Variants in SLC17A8 observed in about 807,000 individuals in gnomAD.
SLC17A8 encodes vesicular glutamate transporter 3.
A neutral mutation model predicts 58.0 loss-of-function variants in SLC17A8; 31 were observed. That is an observed-to-expected ratio of 0.53 (90% CI 0.40 to 0.72). The LOEUF is 0.72. Ranked by LOEUF, SLC17A8 falls within the 30% of genes least tolerant of loss-of-function variation. SLC17A8 has a pLI of 0.00. For synonymous variants in SLC17A8, 228 were observed against 249.0 expected, an observed-to-expected ratio of 0.92 and a Z score of 0.79; for missense variants, 655 against 727.8, an observed-to-expected ratio of 0.90 and a Z score of 1.15.
chr12:100,415,598 A>G (rs925809913), intron 10 of SLC17A8, among the ~76,000 whole-genome samples: 1 of 151,762 alleles, frequency 6.6e-6, no homozygotes, highest in African/African-American at 2.4e-5. Flanking sequence ...ACTTCCAGAT[A>G]TATATATATT....
intron 2 of SLC17A8, among the ~76,000 whole-genome samples, chr12:100,383,032 G>A (rs982533111): frequency 1.3e-5 from 2 of 152,134 alleles, no homozygotes; most frequent in Non-Finnish European, 2.9e-5. Context: ...AGAGGTAGAA[G>A]GGCATATCAT....
At chr12:100,397,020 C>T (rs1952758787) in intron 5 of SLC17A8, among the ~76,000 whole-genome samples, 1 of 152,082 alleles carries the variant, frequency 6.6e-6, no homozygotes, top group Non-Finnish European at 1.5e-5. Flanking sequence ...TTCCCAAAGC[C>T]CCCTACCAAC....
At chr12:100,362,969 G>T (rs992910027) in intron 1 of SLC17A8, among the ~76,000 whole-genome samples, 8 of 152,184 alleles carry the variant, frequency 5.3e-5, no homozygotes, top group Non-Finnish European at 1.0e-4. Context: ...GCAGTATCAG[G>T]AGATGTCCCA....
intron 9 of SLC17A8, among the ~76,000 whole-genome samples, chr12:100,404,886 G>C (rs1451619303): frequency 6.6e-6 from 1 of 152,224 alleles, no homozygotes; most frequent in African/African-American, 2.4e-5. Context: ...GTATCAGGTA[G>C]GCCGGAGCCT....
chr12:100,386,427 T>C (rs773815335), intron 2 of SLC17A8, among the ~76,000 whole-genome samples: 1 of 152,176 alleles, frequency 6.6e-6, no homozygotes, highest in Non-Finnish European at 1.5e-5. Context: ...TCATTTTGCT[T>C]GACTGAAACT....
chr12:100,396,441 A>T, intron 5 of SLC17A8, 24 bp downstream of exon 5: 1 of 1,596,922 alleles, frequency 6.3e-7, no homozygotes, highest in Non-Finnish European at 8.6e-7. Flanking sequence ...AATCGTAACA[A>T]ATTTTATTTA....
intron 1 of SLC17A8, among the ~76,000 whole-genome samples, chr12:100,367,851 C>G (rs760509319): frequency 2.0e-5 from 3 of 152,178 alleles, no homozygotes; most frequent in Non-Finnish European, 4.4e-5. Flanking sequence ...CTGTGCCCAG[C>G]TTTCAAGTTA....
chr12:100,391,020 A>T lies in SLC17A8; in HGVS notation c.374A>T (p.Asp125Val). ...PEIQTAQFNW[D>V]PETVGLIHGS... ...TTCCAGACAGCACAGTTTAACTGGG[A>T]TCCAGAAACAGTGGGCCTTATCCAT... The change falls in exon 3 of 12, where the codon GAT (aspartate) becomes GTT (valine). Residue 125 changes from aspartate to valine, a missense_variant. Coordinates refer to ENST00000323346, the MANE Select transcript of SLC17A8 (RefSeq NM_139319.3). 1 of 1,612,102 alleles carries T rather than the reference A, an allele frequency of 6.2e-7. No homozygotes were observed. The highest frequency in any genetic ancestry group is 8.5e-7 in the Non-Finnish European group (1 of 1,178,154).
At chr12:100,393,147 T>A (rs1952728377) in intron 3 of SLC17A8, among the ~76,000 whole-genome samples, 1 of 152,204 alleles carries the variant, frequency 6.6e-6, no homozygotes, top group African/African-American at 2.4e-5. Flanking sequence ...GTATTTTTAG[T>A]AGAGATGGGG....
chr12:100,418,980 C>T (rs906341278), intron 11 of SLC17A8, among the ~76,000 whole-genome samples: 1 of 152,294 alleles, frequency 6.6e-6, no homozygotes, highest in South Asian at 2.1e-4. Flanking sequence ...TCCAAGATAT[C>T]TTCCCCCAAC....
At chr12:100,360,634 A>T (rs1379297977) in intron 1 of SLC17A8, among the ~76,000 whole-genome samples, 1 of 152,196 alleles carries the variant, frequency 6.6e-6, no homozygotes, top group East Asian at 1.9e-4. Context: ...AGGCACAGAG[A>T]GGTTAAGTAG....
Position 100,400,036 on chromosome 12 carries a change from T to C in SLC17A8, c.677-1741T>C, listed in dbSNP as rs571953283. 3.3e-5 allele frequency among the ~76,000 whole-genome samples: 5 copies of C among 152,190 alleles called. No homozygotes were observed. In the East Asian group the frequency reaches 9.7e-4, roughly 29 times the overall value. On this transcript the variant is annotated intron_variant, in intron 5 of 11. Coordinates refer to ENST00000323346, the MANE Select transcript of SLC17A8 (RefSeq NM_139319.3). ...TCATATTGGTACTTACCTTGTCAGG[T>C]TGAAGGAGAGTTAAACAAAGTCATA...
intron 3 of SLC17A8, among the ~76,000 whole-genome samples, 189 bp downstream of exon 3, chr12:100,391,308 G>A (rs1366591981): frequency 6.6e-6 from 1 of 151,814 alleles, no homozygotes; most frequent in Non-Finnish European, 1.5e-5. Context: ...TTTTTGAGAC[G>A]GTGTCTCACT....
At position 100,393,969 on chromosome 12, in the gene SLC17A8, T is replaced by C. The variant is rs868709610; in HGVS notation, c.588+486T>C. Reference sequence around the variant, plus strand: ...TTGCATCTACTCAACCCTGCTGTTATAGTGCAAAAGCAGCCAGAGACAATA... The same window carrying C: ...TTGCATCTACTCAACCCTGCTGTTACAGTGCAAAAGCAGCCAGAGACAATA... On this transcript the variant is annotated intron_variant, in intron 4 of 11. Transcript: ENST00000323346. Among the ~76,000 whole-genome samples, 41 of 152,348 alleles carry C rather than the reference T, an allele frequency of 2.7e-4. 1 individual carries two copies. Among genetic ancestry groups the C allele is most frequent in the Admixed American group, 2.0e-3 (30 of 15,298 alleles).
intron 2 of SLC17A8, among the ~76,000 whole-genome samples, chr12:100,385,817 T>G (rs1952670884): frequency 6.6e-6 from 1 of 152,260 alleles, no homozygotes; most frequent in East Asian, 1.9e-4. Flanking sequence ...CAATAGAAAT[T>G]TATTCTCTCA....
chr12:100,394,013 G>A (rs1349409248), intron 4 of SLC17A8, among the ~76,000 whole-genome samples: 2 of 152,186 alleles, frequency 1.3e-5, no homozygotes, highest in Non-Finnish European at 2.9e-5. Context: ...AATGGGCATG[G>A]CTACGTTCCA....
chr12:100,380,617 G>T (rs1423249200), intron 1 of SLC17A8, 84 bp from the exon 2 acceptor site: 2 of 1,526,364 alleles, frequency 1.3e-6, no homozygotes, highest in East Asian at 2.2e-5. Flanking sequence ...TCATCTGCTG[G>T]TACCTTTTTT....
intron 1 of SLC17A8, among the ~76,000 whole-genome samples, chr12:100,365,901 C>T (rs555842316): frequency 1.3e-5 from 2 of 152,244 alleles, no homozygotes; most frequent in South Asian, 2.1e-4. Flanking sequence ...GAACAATCCA[C>T]GGATATATAC....
chr12:100,392,312 AG>A (rs1461999895), intron 3 of SLC17A8, among the ~76,000 whole-genome samples: 1 of 152,218 alleles, frequency 6.6e-6, no homozygotes, highest in Non-Finnish European at 1.5e-5. Flanking sequence ...ATAATCAAAT[AG>A]AATAAAATAG....
Sources: allele counts gnomAD v4.1 joint callset (sites outside exome capture counted in the v4.1 genomes callset), GRCh38; gene constraint gnomAD v4.1.1; transcripts MANE v1.5; gene names NCBI Gene and HGNC (gene_info 2026-07-23, HGNC 2026-07-21).